MUSK: variants seen among roughly 807,000 people sequenced by gnomAD.
MUSK encodes muscle associated receptor tyrosine kinase, also known as muscle, skeletal receptor tyrosine-protein kinase.
Under a neutral mutation model 88.7 loss-of-function variants are expected in MUSK, and 55 were observed. The ratio of observed to expected loss-of-function variants is 0.62; its 90% CI spans 0.50 to 0.78. The LOEUF (loss-of-function observed/expected upper bound fraction) is 0.78, where lower values mean the gene tolerates loss of function less well. Ranked by LOEUF, MUSK falls within the 30% of genes least tolerant of loss-of-function variation. The probability of loss-of-function intolerance (pLI) is 0.00; values close to 1 mark genes in which losing one functional copy is unlikely to be tolerated. For missense variants in MUSK, 1,015 were observed against 1,074.3 expected, an observed-to-expected ratio of 0.94 and a Z score of 0.77; for synonymous variants, 387 against 391.9, an observed-to-expected ratio of 0.99 and a Z score of 0.15.
At chr9:110,722,280 T>C (rs1587954280) in intron 5 of MUSK, among the ~76,000 whole-genome samples, 1 of 152,136 alleles carries the variant, frequency 6.6e-6, no homozygotes, top group Middle Eastern at 3.4e-3. Context: ...CTGTAATCCC[T>C]GCACTTTGGG....
At chr9:110,750,909 C>T (rs1304570867) in intron 7 of MUSK, among the ~76,000 whole-genome samples, 1 of 152,174 alleles carries the variant, frequency 6.6e-6, no homozygotes, top group East Asian at 1.9e-4. Flanking sequence ...TCTATAAAAT[C>T]TATAAAATAT....
At chr9:110,681,748 G>T (rs762737366) in intron 1 of MUSK, among the ~76,000 whole-genome samples, 7 of 151,860 alleles carry the variant, frequency 4.6e-5, no homozygotes, top group Non-Finnish European at 8.8e-5. Context: ...ATAATAATAA[G>T]GTTTATTCAG....
chr9:110,750,361 T>G (rs1459433391), intron 7 of MUSK, among the ~76,000 whole-genome samples: 1 of 152,174 alleles, frequency 6.6e-6, no homozygotes, highest in East Asian at 1.9e-4. Flanking sequence ...ACACCACTGC[T>G]AACCCCCGGA....
At chr9:110,758,332 C>T (rs539759480) in intron 7 of MUSK, among the ~76,000 whole-genome samples, 1 of 152,110 alleles carries the variant, frequency 6.6e-6, no homozygotes, top group African/African-American at 2.4e-5. Context: ...AGAATCATAA[C>T]ATTTTGAAAA....
Position 110,689,709 on chromosome 9 carries a change from A to ATATATTTTATATATAAATATAT in MUSK, c.358+2441_358+2442insTATATTTTATATATAAATATAT, listed in dbSNP as rs1259002278. On this transcript the variant is annotated intron_variant, in intron 3 of 14. Transcript: ENST00000374448. ...TATATATAGTTATATATAAATATAT[A>ATATATTTTATATATAAATATAT]ACTATATATGTTATATATAGTTTAT... is the stretch of plus-strand genomic sequence containing the variant. Among the ~76,000 whole-genome samples, 96 of 55,280 alleles carry ATATATTTTATATATAAATATAT rather than the reference A, an allele frequency of 1.7e-3. 3 individuals are homozygous for ATATATTTTATATATAAATATAT. Among genetic ancestry groups the ATATATTTTATATATAAATATAT allele is most frequent in the African/African-American group, 7.3e-3 (87 of 11,846 alleles). 36.3% of individuals were successfully genotyped at this position (55,280 alleles called of 152,430 possible).
At chr9:110,753,908 T>C (rs2077279950) in intron 7 of MUSK, among the ~76,000 whole-genome samples, 1 of 152,236 alleles carries the variant, frequency 6.6e-6, no homozygotes. Context: ...GTATAGCTGA[T>C]TGAATGTACT....
At chr9:110,707,911 C>T (rs2076619352) in intron 5 of MUSK, among the ~76,000 whole-genome samples, 1 of 152,110 alleles carries the variant, frequency 6.6e-6, no homozygotes, top group African/African-American at 2.4e-5. Context: ...GTGCATGAGT[C>T]TCCATCACTT....
At chr9:110,710,446 T>C (rs73657647) in intron 5 of MUSK, among the ~76,000 whole-genome samples, 4,826 of 152,292 alleles carry the variant, frequency 0.032, 256 homozygotes, top group African/African-American at 0.1. Flanking sequence ...TTGTTTACAT[T>C]GTTATAAAGC....
At chr9:110,671,844 G>T (rs534272343) in intron 1 of MUSK, among the ~76,000 whole-genome samples, 4 of 152,296 alleles carry the variant, frequency 2.6e-5, no homozygotes, top group African/African-American at 9.6e-5. Flanking sequence ...CATGTAAGCA[G>T]CTCTGGATTT....
At chr9:110,673,103 G>A (rs2075981298) in intron 1 of MUSK, among the ~76,000 whole-genome samples, 1 of 152,176 alleles carries the variant, frequency 6.6e-6, no homozygotes. Flanking sequence ...ACTGATCCAT[G>A]TGATTGTGTC....
intron 5 of MUSK, among the ~76,000 whole-genome samples, chr9:110,731,334 T>C (rs1333859305): frequency 6.6e-6 from 1 of 151,940 alleles, no homozygotes; most frequent in Non-Finnish European, 1.5e-5. Context: ...CAGATAGTGG[T>C]GATATGATAC....
chr9:110,787,370 A>G (rs1301578825), intron 13 of MUSK, among the ~76,000 whole-genome samples: 1 of 143,296 alleles, frequency 7.0e-6, no homozygotes, highest in East Asian at 1.9e-4. Flanking sequence ...TCAAAAAAAA[A>G]AAAAAAAAAA....
chr9:110,693,526 G>A (rs2076385801), intron 3 of MUSK, among the ~76,000 whole-genome samples: 1 of 152,196 alleles, frequency 6.6e-6, no homozygotes, highest in Non-Finnish European at 1.5e-5. Flanking sequence ...GATACTTCCA[G>A]CATCCTGCTT....
intron 6 of MUSK, 100 bp from the exon 7 acceptor site, chr9:110,747,541 G>A: frequency 8.0e-7 from 1 of 1,251,158 alleles, no homozygotes; most frequent in Non-Finnish European, 1.1e-6. Context: ...TGTACCACAT[G>A]CACTTGATTA....
intron 7 of MUSK, among the ~76,000 whole-genome samples, chr9:110,760,204 T>C (rs559852917): frequency 1.7e-4 from 26 of 152,310 alleles, no homozygotes; most frequent in African/African-American, 5.8e-4. Flanking sequence ...GCAATTCCGC[T>C]ACTGAGTATA....
chr9:110,686,152 C>T (rs1587895586), intron 2 of MUSK, among the ~76,000 whole-genome samples: 1 of 152,100 alleles, frequency 6.6e-6, no homozygotes, highest in East Asian at 1.9e-4. Context: ...CTTGCCTTTC[C>T]TAGCTTCTAG....
chr9:110,800,924 T>C lies in MUSK; in HGVS notation c.2546T>C (p.Phe849Ser). ...AAGCTGCCTGCAGACAGACCCAGTT[T>C]CACCAGTATTCACCGAATTCTGGAA... ...WSKLPADRPS[F>S]TSIHRILERM... is the part of the protein sequence containing the mutation. Residue 849 changes from phenylalanine (F) to serine (S), a missense_variant, in exon 15 of 15, where the codon TTC becomes TCC. Phe to Ser is a radical substitution (Grantham distance 155). Transcript: ENST00000374448. The C allele has an allele frequency of 6.5e-7, 1 of 1,531,238 alleles. No individual in the cohort carries two copies. Among genetic ancestry groups the C allele is most frequent in the Non-Finnish European group, 8.8e-7 (1 of 1,140,750 alleles). 94.9% of individuals were successfully genotyped at this position (1,531,238 alleles called of 1,614,324 possible). A position where few individuals can be genotyped will look rare whatever the true frequency, so the allele number is the denominator to read the frequency against.
chr9:110,724,122 C>A (rs1039847845), intron 5 of MUSK, among the ~76,000 whole-genome samples: 2 of 151,862 alleles, frequency 1.3e-5, no homozygotes, highest in Admixed American at 6.6e-5. Context: ...AGCATTTCTA[C>A]TATTATATGT....
intron 6 of MUSK, among the ~76,000 whole-genome samples, chr9:110,741,461 A>C (rs923806097): frequency 2.0e-5 from 3 of 152,128 alleles, no homozygotes; most frequent in African/African-American, 7.2e-5. Flanking sequence ...AAAGGGAAGA[A>C]GGGAAAGGGA....
Sources: gnomAD v4.1 joint callset for allele counts (sites outside exome capture counted in the v4.1 genomes callset) on GRCh38, gnomAD v4.1.1 for gene constraint, MANE v1.5 for transcripts, NCBI Gene and HGNC (gene_info 2026-07-23, HGNC 2026-07-21) for gene names.